The following SIM1 variants were observed in gnomAD, a reference collection of about 807,000 sequenced individuals.
SIM1 encodes single-minded homolog 1.
Under a neutral mutation model 78.2 loss-of-function variants are expected in SIM1, and 18 were observed. The ratio of observed to expected loss-of-function variants is 0.23; its 90% confidence interval spans 0.16 to 0.34. The LOEUF is 0.34. Among genes scored for constraint, SIM1 ranks in the 10% least tolerant of loss-of-function variants. The pLI, the probability that SIM1 is intolerant of heterozygous loss-of-function variation, is 1.00. For missense variants in SIM1, 939 were observed against 975.1 expected (o/e 0.96, Z 0.49); for synonymous variants, 417 against 385.2 (o/e 1.08, Z -0.97).
Position 100,390,260 on chromosome 6 carries a change from T to C in SIM1, c.*101A>G, listed in dbSNP as rs1171089603. The C allele has an allele frequency of 4.6e-6, 6 of 1,308,684 alleles. No homozygotes were observed. Among genetic ancestry groups the C allele is most frequent in the South Asian group, 1.4e-5 (1 of 69,934 alleles). 81.1% of individuals were successfully genotyped at this position (1,308,684 alleles called of 1,614,324 possible). A position where few individuals can be genotyped will look rare whatever the true frequency, so the allele number is the denominator to read the frequency against. ...ATCAAATACCCAGTAACTTAAGTTA[T>C]ACTCTCTAACAATCTGTGGCATAGT... On this transcript the variant is annotated 3_prime_UTR_variant, in exon 12 of 12. Transcript: ENST00000369208.
Position 100,449,373 on chromosome 6 carries a change from C to T in SIM1, c.533G>A (p.Gly178Asp). ...CTTCCAGCTACGCACCTTGTAGCCG[C>T]CACAGGTGAGGCCGGCGTTACGCTT... ...LAKRNAGLTCGGYKVIHCSGY... is the reference protein window; with the variant it reads ...LAKRNAGLTCDGYKVIHCSGY... Residue 178 changes from glycine to aspartate, a missense_variant, in exon 6 of 12, where the codon GGC becomes GAC. Gly to Asp is a moderately conservative substitution (Grantham distance 94, BLOSUM62 -1). Around this residue, in one of 5 missense-constraint regions of SIM1, gnomAD observed 187 missense variants for 191.6 expected, o/e 0.98. Transcript: ENST00000369208. 2 of 1,613,698 alleles carry T rather than the reference C, an allele frequency of 1.2e-6. No homozygotes were observed. Among genetic ancestry groups the T allele is most frequent in the Non-Finnish European group, 1.7e-6 (2 of 1,179,734 alleles).
At chr6:100,422,141 T>C (rs1771604930) in intron 9 of SIM1, among the ~76,000 whole-genome samples, 1 of 152,238 alleles carries the variant, frequency 6.6e-6, no homozygotes, top group Admixed American at 6.5e-5. Context: ...CTCTAATGGG[T>C]TTGCCTTTTA....
At chr6:100,459,284 C>T (rs939339858) in intron 2 of SIM1, among the ~76,000 whole-genome samples, 1 of 152,092 alleles carries the variant, frequency 6.6e-6, no homozygotes, top group South Asian at 2.1e-4. Flanking sequence ...TTTTATTGAT[C>T]TGATCTACAA....
chr6:100,390,491 C>T lies in SIM1; in HGVS notation c.2171G>A (p.Ser724Asn), dbSNP rs752142252. ...TGYALEHLYD[S>N]ETIRNYSLGC... ...CAAGGAATAGTTTCTAATGGTTTCG[C>T]TGTCATATAAGTGCTCCAGGGCATA... The change falls in exon 12 of 12, where the codon AGC (serine) becomes AAC (asparagine). Residue 724 changes from serine (S) to asparagine (N), a missense_variant. By Grantham distance (46) the Ser-to-Asn change is conservative (BLOSUM62 1). Transcript: ENST00000369208. The T allele has an allele frequency of 1.9e-6, 3 of 1,614,102 alleles. No individual in the cohort carries two copies. Among genetic ancestry groups the T allele is most frequent in the South Asian group, 1.1e-5 (1 of 91,084 alleles).
In SIM1 at chr6:100,420,784, A is replaced by C. The variant is rs1473011468; in HGVS notation, c.1167+6T>G. 4.3e-6 allele frequency: 7 copies of C among 1,613,946 alleles called. No homozygotes were observed. Among genetic ancestry groups the C allele is most frequent in the African/African-American group, 1.3e-5 (1 of 74,916 alleles). On this transcript the variant is annotated splice_donor_region_variant and intron_variant, in intron 10 of 11. Coordinates refer to ENST00000369208, the MANE Select transcript of SIM1 (RefSeq NM_005068.3). ...AAAGAAAGTTGCAAAACAGCAATGC[A>C]CTTACCTGAGGGTATGGGGAAGTCC... is the stretch of plus-strand genomic sequence containing the variant.
chr6:100,440,294 T>G (rs1394252447), intron 9 of SIM1, among the ~76,000 whole-genome samples: 1 of 152,180 alleles, frequency 6.6e-6, no homozygotes, highest in Non-Finnish European at 1.5e-5. Context: ...CTCACAGCTA[T>G]TATGTAGCAT....
At chr6:100,406,872 A>T (rs1771063565) in intron 10 of SIM1, among the ~76,000 whole-genome samples, 1 of 152,156 alleles carries the variant, frequency 6.6e-6, no homozygotes, top group Non-Finnish European at 1.5e-5. Context: ...GCAACTTTCA[A>T]GTGTAAAATA....
At chr6:100,422,628 A>T (rs190371303) in intron 9 of SIM1, among the ~76,000 whole-genome samples, 208 of 152,278 alleles carry the variant, frequency 1.4e-3, no homozygotes, top group Non-Finnish European at 2.7e-3. Context: ...ATCAGGCAAA[A>T]GCAAAAATAT....
At chr6:100,398,614 T>G (rs1382611708) in intron 10 of SIM1, among the ~76,000 whole-genome samples, 1 of 152,124 alleles carries the variant, frequency 6.6e-6, no homozygotes, top group Non-Finnish European at 1.5e-5. Context: ...AAAATTTCCA[T>G]CCTTTTTAAA....
rs759229442 is a variant in SIM1, at chr6:100,448,580, G to C, written c.642C>G (p.Gly214=). ...TGACGGCGCTGGGAGGCAGCGAGTGGCCCACGGCCACCAGGCCCACGTTTT... is the reference window on the plus strand; with the variant it reads ...TGACGGCGCTGGGAGGCAGCGAGTGCCCCACGGCCACCAGGCCCACGTTTT... ...CYQNVGLVAV[G]HSLPPSAVTE... Residue 214 remains glycine, a synonymous_variant, in exon 7 of 12, where the codon GGC becomes GGG. Transcript: ENST00000369208. The C allele has an allele frequency of 2.5e-6, 4 of 1,614,138 alleles. No homozygotes were observed. The South Asian group carries it at 4.4e-5, about 18-fold the overall frequency.
In SIM1 at chr6:100,463,333, T is replaced by C. The variant is rs1336908780; in HGVS notation, c.136A>G (p.Thr46Ala). 4 of 1,613,480 alleles carry C rather than the reference T, an allele frequency of 2.5e-6. No homozygotes were observed. The highest frequency in any genetic ancestry group is 2.7e-5 in the African/African-American group (2 of 74,916). ...ACTCTCATTTTGAGATAGCTGGTCG[T>C]GAGTCTGATTATGGATGCTTTGTCC... ...QLDKASIIRL[T>A]TSYLKMRVVF... Residue 46 changes from threonine to alanine, a missense_variant, in exon 2 of 12, where the codon ACG (threonine) becomes GCG (alanine). Coordinates refer to ENST00000369208, the MANE Select transcript of SIM1 (RefSeq NM_005068.3).
At chr6:100,403,275 G>A (rs1770973664) in intron 10 of SIM1, among the ~76,000 whole-genome samples, 1 of 152,180 alleles carries the variant, frequency 6.6e-6, no homozygotes. Flanking sequence ...AAGCTCAGAT[G>A]ACTGCCAAAA....
At position 100,412,742 on chromosome 6, in the gene SIM1, A is replaced by G. The variant is rs558123751; in HGVS notation, c.1167+8048T>C. ...AAGAAAGAAAGAAAGAAAGAAAGAA[A>G]GAAAGAAAGAAAAAAGAAAAGAAAA... is the stretch of plus-strand genomic sequence containing the variant. On this transcript the variant is annotated intron_variant, in intron 10 of 11. Transcript: ENST00000369208. 6.7e-4 allele frequency among the ~76,000 whole-genome samples: 95 copies of G among 141,690 alleles called. 1 individual carries two copies. The highest frequency in any genetic ancestry group is 2.4e-3 in the African/African-American group (93 of 38,346). The allele number at this position is 141,690 out of a possible 152,430, so 93.0% of individuals were successfully genotyped here. A position where few individuals can be genotyped will look rare whatever the true frequency, so the allele number is the denominator to read the frequency against.
chr6:100,458,025 TC>T (rs1772726560), intron 2 of SIM1, among the ~76,000 whole-genome samples: 2 of 28,472 alleles, frequency 7.0e-5, no homozygotes, highest in African/African-American at 1.9e-4. Context: ...TCTCTCTCTC[TC>T]TCTCTCTCTC....
At chr6:100,391,545 C>T (rs1242502040) in intron 11 of SIM1, among the ~76,000 whole-genome samples, 1 of 152,170 alleles carries the variant, frequency 6.6e-6, no homozygotes, top group Non-Finnish European at 1.5e-5. Flanking sequence ...AATGATGATA[C>T]AGGCTGAACT....
chr6:100,463,108 C>T (rs1397889428), intron 2 of SIM1, 186 bp downstream of exon 2: 3 of 531,160 alleles, frequency 5.6e-6, no homozygotes, highest in African/African-American at 1.9e-5. Flanking sequence ...GTAGAGGGAG[C>T]CTCAAAAAAG....
At chr6:100,421,554 G>C (rs889330532) in intron 9 of SIM1, among the ~76,000 whole-genome samples, 12 of 152,014 alleles carry the variant, frequency 7.9e-5, no homozygotes, top group Non-Finnish European at 1.8e-4. Context: ...ACAATACAGG[G>C]GGATGTAAGA....
chr6:100,406,326 G>T (rs1771049380), intron 10 of SIM1, among the ~76,000 whole-genome samples: 3 of 152,082 alleles, frequency 2.0e-5, no homozygotes, highest in Non-Finnish European at 4.4e-5. Flanking sequence ...TGAATTAAAT[G>T]GGTACAGGTG....
At chr6:100,414,420 C>T (rs890345338) in intron 10 of SIM1, among the ~76,000 whole-genome samples, 1 of 152,170 alleles carries the variant, frequency 6.6e-6, no homozygotes, top group African/African-American at 2.4e-5. Context: ...AGAGGCCTCA[C>T]CCCACTGAGT....
Sources: gnomAD v4.1 joint callset for allele counts (sites outside exome capture counted in the v4.1 genomes callset) on GRCh38, gnomAD v4.1.1 for gene constraint, gnomAD v4.1.1 regional missense constraint, MANE v1.5 for transcripts, NCBI Gene and HGNC (gene_info 2026-07-23, HGNC 2026-07-21) for gene names.